The following DCC variants were observed in gnomAD, a reference collection of about 807,000 sequenced individuals.
DCC encodes the protein netrin receptor DCC.
In DCC, 58 loss-of-function variants were observed where a neutral mutation model predicts 172.5. That is an observed-to-expected ratio of 0.34 (90% CI 0.27 to 0.42). DCC has a LOEUF of 0.42. Among genes scored for constraint, DCC ranks in the 10% least tolerant of loss-of-function variants. The pLI is 1.00. For synonymous variants in DCC, 709 were observed against 644.5 expected (o/e 1.10, Z -1.52); for missense variants, 1,740 against 1,791.0 (o/e 0.97, Z 0.51).
At chr18:53,141,319 G>A (rs1406944598) in intron 7 of DCC, among the ~76,000 whole-genome samples, 1 of 152,110 alleles carries the variant, frequency 6.6e-6, no homozygotes, top group Non-Finnish European at 1.5e-5. Flanking sequence ...AAAATAAATT[G>A]GGCTATGTTT....
chr18:52,989,085 T>C (rs1005236213), intron 5 of DCC, among the ~76,000 whole-genome samples: 4 of 152,078 alleles, frequency 2.6e-5, no homozygotes, highest in African/African-American at 9.7e-5. Context: ...AATATTTTTC[T>C]TTAATTACAG....
At chr18:53,392,009 A>G in intron 17 of DCC, 122 bp downstream of exon 17, 1 of 696,522 alleles carries the variant, frequency 1.4e-6, no homozygotes, top group Non-Finnish European at 2.6e-6. Flanking sequence ...TAGAAAAACA[A>G]AGCATTTTAA....
intron 1 of DCC, among the ~76,000 whole-genome samples, chr18:52,585,556 A>G (rs2033649805): frequency 6.6e-6 from 1 of 152,186 alleles, no homozygotes; most frequent in African/African-American, 2.4e-5. Flanking sequence ...TCCAGTCAGG[A>G]AAAGGTTGAC....
At chr18:52,692,935 A>T (rs972389564) in intron 1 of DCC, among the ~76,000 whole-genome samples, 4 of 152,192 alleles carry the variant, frequency 2.6e-5, no homozygotes, top group African/African-American at 9.6e-5. Flanking sequence ...CATTAGAAAG[A>T]AATGTACCCT....
At chr18:52,822,526 G>C (rs1045357767) in intron 2 of DCC, among the ~76,000 whole-genome samples, 1 of 152,108 alleles carries the variant, frequency 6.6e-6, no homozygotes, top group African/African-American at 2.4e-5. Context: ...AGAAACACAT[G>C]AAAATTATAA....
chr18:52,919,092 T>A (rs1290210130), intron 3 of DCC, among the ~76,000 whole-genome samples: 1 of 152,208 alleles, frequency 6.6e-6, no homozygotes, highest in Non-Finnish European at 1.5e-5. Flanking sequence ...GGCTGTTGAC[T>A]GAGTGCCTCA....
chr18:52,919,119 CTT>C (rs1337894673), intron 3 of DCC, among the ~76,000 whole-genome samples: 4 of 152,144 alleles, frequency 2.6e-5, no homozygotes, highest in Non-Finnish European at 5.9e-5. Flanking sequence ...CTCCACGTGA[CTT>C]TCTGTCTTCC....
intron 1 of DCC, among the ~76,000 whole-genome samples, chr18:52,684,156 T>G (rs1210593202): frequency 1.3e-5 from 2 of 152,096 alleles, no homozygotes; most frequent in Non-Finnish European, 1.5e-5. Flanking sequence ...AAAATATACA[T>G]TTTGGACATG....
chr18:52,804,584 T>C (rs1417106787), intron 2 of DCC, among the ~76,000 whole-genome samples: 3 of 152,168 alleles, frequency 2.0e-5, no homozygotes. Context: ...TGTTTTGTTT[T>C]TGAGACGGAG....
intron 22 of DCC, among the ~76,000 whole-genome samples, chr18:53,445,476 C>G (rs1211109963): frequency 6.6e-6 from 1 of 152,116 alleles, no homozygotes; most frequent in Non-Finnish European, 1.5e-5. Context: ...GCCATTGTGC[C>G]AAGGGGACCA....
At chr18:53,414,326 G>A (rs1910171120) in intron 20 of DCC, among the ~76,000 whole-genome samples, 2 of 151,914 alleles carry the variant, frequency 1.3e-5, no homozygotes, top group South Asian at 4.1e-4. Flanking sequence ...TTAGTAAGGT[G>A]GTAGATCATA....
chr18:52,715,196 A>C, intron 1 of DCC, among the ~76,000 whole-genome samples: 1 of 151,938 alleles, frequency 6.6e-6, no homozygotes, highest in African/African-American at 2.4e-5. Context: ...ATTACTCAGA[A>C]AACGTTTTTA....
intron 1 of DCC, among the ~76,000 whole-genome samples, chr18:52,485,829 G>A (rs1455148647): frequency 6.6e-6 from 1 of 151,866 alleles, no homozygotes; most frequent in African/African-American, 2.4e-5. Flanking sequence ...TTCAACAGTG[G>A]AATATGATCT....
In DCC at chr18:52,495,854, AG is replaced by A. The variant is rs1381369529; in HGVS notation, c.91+154979del. Among the ~76,000 whole-genome samples the A allele has an allele frequency of 2.6e-5, 4 of 151,780 alleles. No homozygotes were observed. The South Asian group carries it at 8.3e-4, about 31-fold the overall frequency. The stretch of plus-strand genomic sequence containing the variant: ...AGCTAAGAATGGTGGCTTTGACATC[AG>A]GGAATTCTAACCCTGGCTGTCCGAT... On this transcript the variant is annotated intron_variant, in intron 1 of 28. Transcript: ENST00000442544.
chr18:53,177,815 A>G (rs1161944093), intron 8 of DCC, among the ~76,000 whole-genome samples: 1 of 152,178 alleles, frequency 6.6e-6, no homozygotes, highest in Non-Finnish European at 1.5e-5. Flanking sequence ...CATGAAGCAG[A>G]AATTTCGGGT....
chr18:52,817,359 T>C (rs140513583), intron 2 of DCC, among the ~76,000 whole-genome samples: 1 of 152,260 alleles, frequency 6.6e-6, no homozygotes, highest in Admixed American at 6.5e-5. Context: ...CGAAATTTTA[T>C]AGATACTCAC....
At chr18:52,487,810 C>CAAAAAAAA (rs5824940) in intron 1 of DCC, among the ~76,000 whole-genome samples, 44 of 74,392 alleles carry the variant, frequency 5.9e-4, no homozygotes, top group Non-Finnish European at 6.9e-4. Context: ...GACTCCACCT[C>CAAAAAAAA]AAAAAAAAAA....
chr18:52,413,817 C>T (rs887125415), intron 1 of DCC, among the ~76,000 whole-genome samples: 6 of 152,056 alleles, frequency 3.9e-5, no homozygotes, highest in Admixed American at 1.3e-4. Context: ...TTGTGAGTTT[C>T]GGTGTCTTTT....
chr18:52,398,519 A>G (rs1455200173), intron 1 of DCC, among the ~76,000 whole-genome samples: 1 of 151,876 alleles, frequency 6.6e-6, no homozygotes, highest in Non-Finnish European at 1.5e-5. Flanking sequence ...CACTTTTTCA[A>G]TCATCTCTCA....
Sources: allele counts gnomAD v4.1 joint callset (sites outside exome capture counted in the v4.1 genomes callset), GRCh38; gene constraint gnomAD v4.1.1; transcripts MANE v1.5; gene names NCBI Gene and HGNC (gene_info 2026-07-23, HGNC 2026-07-21).